SLC25A37: variants seen among roughly 807,000 people sequenced by gnomAD.
The protein encoded by SLC25A37 is mitoferrin-1.
A neutral mutation model predicts 31.0 loss-of-function variants in SLC25A37; 17 were observed. The ratio of observed to expected loss-of-function variants is 0.55; its 90% CI spans 0.38 to 0.82. The LOEUF (loss-of-function observed/expected upper bound fraction) is 0.82, where lower values mean the gene tolerates loss of function less well. SLC25A37 is among the 40% of genes least tolerant of loss of function. SLC25A37 has a pLI of 0.00. For missense variants in SLC25A37, 404 were observed against 465.8 expected (o/e 0.87, Z 1.22); for synonymous variants, 222 against 193.0 (o/e 1.15, Z -1.24).
At chr8:23,538,066 A>G (rs968534709) in intron 1 of SLC25A37, among the ~76,000 whole-genome samples, 14 of 152,292 alleles carry the variant, frequency 9.2e-5, no homozygotes, top group African/African-American at 3.1e-4. Context: ...ATGAAAAAAA[A>G]AAAAGTTATG....
At chr8:23,537,126 G>A (rs966362948) in intron 1 of SLC25A37, among the ~76,000 whole-genome samples, 1 of 150,392 alleles carries the variant, frequency 6.6e-6, no homozygotes, top group East Asian at 2.0e-4. Context: ...AGCCTGGGAG[G>A]TCGAGGCTGT....
Position 23,529,817 on chromosome 8 carries a change from G to A in SLC25A37, c.210+605G>A, listed in dbSNP as rs554389509. Among the ~76,000 whole-genome samples the A allele has an allele frequency of 6.6e-6, 1 of 152,240 alleles. No individual in the cohort carries two copies. The highest frequency in any genetic ancestry group is 2.4e-5 in the African/African-American group (1 of 41,550). ...CGGCCCGTGGGATCCCCTTTCTGAGGGTTCCTGCACTTCTTCCCCCGACTT... is the reference window on the plus strand; with the variant it reads ...CGGCCCGTGGGATCCCCTTTCTGAGAGTTCCTGCACTTCTTCCCCCGACTT... On this transcript the variant is annotated intron_variant, in intron 1 of 3. Transcript: ENST00000519973. This position sits in a 1 kb window ranked among gnomAD's most constrained non-coding sequence, Gnocchi z 4.1.
In SLC25A37 at chr8:23,529,220, G is replaced by A; in HGVS notation, c.210+8G>A. The A allele has an allele frequency of 6.2e-7, 1 of 1,603,546 alleles. No homozygotes were observed. The highest frequency in any genetic ancestry group is 8.5e-7 in the Non-Finnish European group (1 of 1,176,006). On this transcript the variant is annotated splice_region_variant and intron_variant, in intron 1 of 3. Transcript: ENST00000519973. This position sits in a 1 kb window ranked among gnomAD's most constrained non-coding sequence, Gnocchi z 4.1. Reference sequence around the variant, plus strand: ...CCGGTGGACTCGGTGAAGGTGAGGCGCGGGGAGACTTCGGGGACGCAACGA... The same window carrying A: ...CCGGTGGACTCGGTGAAGGTGAGGCACGGGGAGACTTCGGGGACGCAACGA...
At position 23,566,222 on chromosome 8, in the gene SLC25A37, G is replaced by A. The variant is rs749766426; in HGVS notation, c.325G>A (p.Val109Ile). ...CTGGAGGCCCTTGCGAGGCGTCAACGTCATGATCATGGGTGCAGGGCCGGC... is the reference window on the plus strand; with the variant it reads ...CTGGAGGCCCTTGCGAGGCGTCAACATCATGATCATGGGTGCAGGGCCGGC... The part of the protein sequence containing the change: ...GFWRPLRGVN[V>I]MIMGAGPAHA... Residue 109 changes from valine (V) to isoleucine (I), a missense_variant, in exon 2 of 4, where the codon GTC becomes ATC. Val to Ile is a conservative substitution (Grantham distance 29, BLOSUM62 3). Around this residue, in one of 3 missense-constraint regions of SLC25A37, gnomAD observed 154 missense variants for 153.6 expected, o/e 1.00. Transcript: ENST00000519973. 5.6e-6 allele frequency: 9 copies of A among 1,603,234 alleles called. No individual in the cohort carries two copies. Among genetic ancestry groups the A allele is most frequent in the African/African-American group, 4.0e-5 (3 of 74,302 alleles).
At chr8:23,570,585 G>A (rs1802798646) in intron 3 of SLC25A37, among the ~76,000 whole-genome samples, 1 of 152,122 alleles carries the variant, frequency 6.6e-6, no homozygotes, top group African/African-American at 2.4e-5. Flanking sequence ...CCAAGCAAGG[G>A]TTTTGTTTAT....
intron 1 of SLC25A37, among the ~76,000 whole-genome samples, chr8:23,540,927 T>G (rs905489954): frequency 1.3e-5 from 2 of 152,174 alleles, no homozygotes; most frequent in African/African-American, 4.8e-5. Flanking sequence ...GTCATGGTAT[T>G]TATTATCACA....
At chr8:23,540,893 T>C (rs776206213) in intron 1 of SLC25A37, among the ~76,000 whole-genome samples, 2 of 152,184 alleles carry the variant, frequency 1.3e-5, no homozygotes, top group African/African-American at 2.4e-5. Flanking sequence ...TTTAAAAGTA[T>C]AAAGCTCTCT....
chr8:23,570,031 A>G (rs1411085885), intron 3 of SLC25A37, among the ~76,000 whole-genome samples: 1 of 151,162 alleles, frequency 6.6e-6, no homozygotes, highest in Non-Finnish European at 1.5e-5. Flanking sequence ...TCCATGTCCT[A>G]GCAGATAGAG....
intron 1 of SLC25A37, 37 bp from the exon 2 acceptor site, chr8:23,566,071 C>T (rs760265546): frequency 1.7e-5 from 26 of 1,542,984 alleles, no homozygotes; most frequent in Non-Finnish European, 2.2e-5. Context: ...CTGATTAACT[C>T]TATTTTTGTT....
At position 23,529,315 on chromosome 8, in the gene SLC25A37, G is replaced by C. The variant is rs918251044; in HGVS notation, c.210+103G>C. ...AGCCTCGGGGCAGCGTCCCGAAACC[G>C]AGCTCTCCCCAGGACCGCGGCTGGC... On this transcript the variant is annotated intron_variant, in intron 1 of 3. Coordinates refer to ENST00000519973, the MANE Select transcript of SLC25A37 (RefSeq NM_016612.4). This position sits in a 1 kb window ranked among gnomAD's most constrained non-coding sequence, Gnocchi z 4.1. 1 of 1,204,020 alleles carries C rather than the reference G, an allele frequency of 8.3e-7. No homozygotes were observed. The allele number at this position is 1,204,020 out of a possible 1,614,324, so 74.6% of individuals were successfully genotyped here.
In SLC25A37 at chr8:23,571,582, C is replaced by T. The variant is rs1400499052; in HGVS notation, c.744C>T (p.Ala248=). The T allele has an allele frequency of 6.8e-6, 11 of 1,613,500 alleles. No homozygotes were observed. The highest frequency in any genetic ancestry group is 9.3e-6 in the Non-Finnish European group (11 of 1,179,822). Residue 248 remains alanine (A), a synonymous_variant, in exon 4 of 4, where the codon GCC becomes GCT. Transcript: ENST00000519973. The part of the protein sequence containing the change: ...IISGGLAGAL[A]AAATTPLDVC... Reference sequence around the variant, plus strand: ...CAGGCGGGCTGGCCGGGGCCCTCGCCGCGGCCGCCACGACCCCCCTGGACG... The same window carrying T: ...CAGGCGGGCTGGCCGGGGCCCTCGCTGCGGCCGCCACGACCCCCCTGGACG...
Position 23,572,203 on chromosome 8 carries a change from T to TAAAAAAAAAAAAAAAA in SLC25A37, c.*378_*393dup, listed in dbSNP as rs540950017. 2.3e-5 allele frequency: 2 copies of TAAAAAAAAAAAAAAAA among 85,788 alleles called. No homozygotes were observed. The highest frequency in any genetic ancestry group is 6.5e-5 in the African/African-American group (1 of 15,294). 5.3% of individuals were successfully genotyped at this position (85,788 alleles called of 1,614,324 possible). On this transcript the variant is annotated 3_prime_UTR_variant, in exon 4 of 4. Coordinates refer to ENST00000519973, the MANE Select transcript of SLC25A37 (RefSeq NM_016612.4). Reference sequence around the variant, plus strand: ...GAAAATTTGCAGTGACTGAAAACAGTAAAAAAAAAAAAAAAAAAAAAAAAA... The same window carrying TAAAAAAAAAAAAAAAA: ...GAAAATTTGCAGTGACTGAAAACAGTAAAAAAAAAAAAAAAAAAAAAAAAAAAAAAAAAAAAAAAAA...
chr8:23,546,441 T>A lies in SLC25A37; in HGVS notation c.210+17229T>A, dbSNP rs927851245. ...CTGTTAATGAAATTGTGCTTAAAAA[T>A]TTTTTTTTCTTGAACCTTGGCTTCT... On this transcript the variant is annotated intron_variant, in intron 1 of 3. Transcript: ENST00000519973. Among the ~76,000 whole-genome samples the A allele has an allele frequency of 4.0e-5, 6 of 150,022 alleles. No individual in the cohort carries two copies. In the Admixed American group the frequency reaches 4.0e-4, roughly 10 times the overall value.
At chr8:23,536,069 C>T (rs150282144) in intron 1 of SLC25A37, among the ~76,000 whole-genome samples, 1 of 152,264 alleles carries the variant, frequency 6.6e-6, no homozygotes, top group Non-Finnish European at 1.5e-5. Flanking sequence ...GTGGTGCGTA[C>T]GTTGTCAATA....
chr8:23,552,482 T>C (rs1802253057), intron 1 of SLC25A37, among the ~76,000 whole-genome samples: 1 of 152,056 alleles, frequency 6.6e-6, no homozygotes, highest in African/African-American at 2.4e-5. Context: ...GGGTAGAAGC[T>C]CTCTATATAA....
chr8:23,556,561 T>C (rs1802371264), intron 1 of SLC25A37, among the ~76,000 whole-genome samples: 1 of 151,922 alleles, frequency 6.6e-6, no homozygotes, highest in African/African-American at 2.4e-5. Context: ...TACATATATG[T>C]ATATGTATGT....
chr8:23,542,718 C>G (rs1801929921), intron 1 of SLC25A37, among the ~76,000 whole-genome samples: 1 of 144,844 alleles, frequency 6.9e-6, no homozygotes, highest in Non-Finnish European at 1.5e-5. Flanking sequence ...GTAAAAGAGC[C>G]TCAGGCAGGT....
At chr8:23,538,403 AAAAC>A (rs1407967852) in intron 1 of SLC25A37, among the ~76,000 whole-genome samples, 1 of 142,652 alleles carries the variant, frequency 7.0e-6, no homozygotes. Flanking sequence ...AAAAAAAAAA[AAAAC>A]CAGAAAAAAA....
intron 1 of SLC25A37, among the ~76,000 whole-genome samples, chr8:23,543,985 C>T (rs1326559147): frequency 2.0e-5 from 3 of 151,922 alleles, no homozygotes; most frequent in Admixed American, 6.6e-5. Flanking sequence ...CTCAGCCTCC[C>T]GAGTAGATGG....
Sources: allele counts gnomAD v4.1 joint callset (sites outside exome capture counted in the v4.1 genomes callset), GRCh38; gene constraint gnomAD v4.1.1; regional missense constraint gnomAD v4.1.1; non-coding constraint Gnocchi (gnomAD v3.1); transcripts MANE v1.5; gene names NCBI Gene and HGNC (gene_info 2026-07-23, HGNC 2026-07-21).